Variants in ZFPM2 observed in about 807,000 individuals in gnomAD.
ZFPM2 encodes zinc finger protein ZFPM2.
In ZFPM2, 20 loss-of-function variants were observed where a neutral mutation model predicts 98.6. The ratio of observed to expected loss-of-function variants is 0.20; its 90% CI spans 0.14 to 0.29. ZFPM2 has a LOEUF of 0.29. ZFPM2 is among the 10% of genes least tolerant of loss of function. ZFPM2 has a pLI of 1.00. For synonymous variants in ZFPM2, 518 were observed against 502.7 expected (o/e 1.03, Z -0.41); for missense variants, 1,310 against 1,388.6 (o/e 0.94, Z 0.90).
chr8:105,801,859 G>A lies in ZFPM2; in HGVS notation c.1777G>A (p.Glu593Lys), dbSNP rs373780384. Residue 593 changes from glutamate to lysine, a missense_variant, in exon 8 of 8, where the codon GAA becomes AAA. Physicochemically the swap from Glu to Lys is moderately conservative, Grantham distance 56 (BLOSUM62 1). Transcript: ENST00000407775. ...EFPSVSEKMP[E>K]ALSPNTGQTS... is the part of the protein sequence containing the mutation. Reference sequence around the variant, plus strand: ...CCCTAGTGTGTCAGAAAAGATGCCTGAAGCTTTGAGTCCCAACACTGGCCA... The same window carrying A: ...CCCTAGTGTGTCAGAAAAGATGCCTAAAGCTTTGAGTCCCAACACTGGCCA... The A allele has an allele frequency of 2.5e-6, 4 of 1,613,826 alleles. No individual in the cohort carries two copies. The highest frequency in any genetic ancestry group is 1.3e-5 in the African/African-American group (1 of 74,914).
intron 4 of ZFPM2, among the ~76,000 whole-genome samples, chr8:105,613,562 G>A (rs574750443): frequency 2.0e-5 from 3 of 152,238 alleles, no homozygotes; most frequent in Admixed American, 2.0e-4. Flanking sequence ...AAATACAAAA[G>A]TAGTTCTGGT....
At chr8:105,711,005 G>C (rs1811379897) in intron 5 of ZFPM2, among the ~76,000 whole-genome samples, 1 of 151,766 alleles carries the variant, frequency 6.6e-6, no homozygotes, top group Admixed American at 6.6e-5. Flanking sequence ...TTAATATCTT[G>C]ATGTAATTTT....
chr8:105,714,570 T>A (rs2130984033), intron 5 of ZFPM2, among the ~76,000 whole-genome samples: 1 of 152,120 alleles, frequency 6.6e-6, no homozygotes, highest in Admixed American at 6.6e-5. Context: ...ATACTTAAAA[T>A]TTATCACTTA....
At chr8:105,631,169 A>C (rs1816748020) in intron 4 of ZFPM2, among the ~76,000 whole-genome samples, 1 of 152,198 alleles carries the variant, frequency 6.6e-6, no homozygotes, top group Non-Finnish European at 1.5e-5. Flanking sequence ...CCTAAATAGT[A>C]GTACCCTTAT....
At chr8:105,401,594 G>A (rs1297009944) in intron 1 of ZFPM2, among the ~76,000 whole-genome samples, 1 of 152,010 alleles carries the variant, frequency 6.6e-6, no homozygotes, top group Non-Finnish European at 1.5e-5. Flanking sequence ...TTTGCCTTCA[G>A]GTCATCTTAC....
chr8:105,552,585 A>G (rs891233617), intron 3 of ZFPM2, among the ~76,000 whole-genome samples: 5 of 152,096 alleles, frequency 3.3e-5, no homozygotes, highest in African/African-American at 1.2e-4. Flanking sequence ...ACTTTTCCGA[A>G]CATTTGCAAG....
intron 5 of ZFPM2, among the ~76,000 whole-genome samples, chr8:105,783,210 G>GTTTTTTTTTTTTTT (rs753557703): frequency 2.9e-4 from 26 of 88,934 alleles, no homozygotes; most frequent in Non-Finnish European, 3.9e-4. Context: ...TTTCTTTATG[G>GTTTTTTTTTTTTTT]TTTTTTTTTT....
At chr8:105,606,179 A>G (rs1412421705) in intron 4 of ZFPM2, among the ~76,000 whole-genome samples, 1 of 152,122 alleles carries the variant, frequency 6.6e-6, no homozygotes, top group African/African-American at 2.4e-5. Flanking sequence ...TATGTGTGCA[A>G]AAACAGAGAT....
chr8:105,476,161 C>T (rs1813008501), intron 3 of ZFPM2, among the ~76,000 whole-genome samples: 1 of 152,172 alleles, frequency 6.6e-6, no homozygotes, highest in Admixed American at 6.5e-5. Flanking sequence ...TTCCTCAGAG[C>T]CATTTGATGA....
intron 5 of ZFPM2, among the ~76,000 whole-genome samples, chr8:105,712,803 C>A (rs1440964076): frequency 6.6e-6 from 1 of 152,114 alleles, no homozygotes; most frequent in Non-Finnish European, 1.5e-5. Context: ...TAAGAACATG[C>A]AATATTTCGT....
chr8:105,672,694 A>G (rs548995450), intron 5 of ZFPM2, among the ~76,000 whole-genome samples: 45 of 152,298 alleles, frequency 3.0e-4, no homozygotes, highest in African/African-American at 9.6e-4. Flanking sequence ...TTTCACTAAT[A>G]TTGCTGATAG....
intron 1 of ZFPM2, among the ~76,000 whole-genome samples, chr8:105,376,294 A>G (rs1014410489): frequency 6.6e-6 from 1 of 152,156 alleles, no homozygotes; most frequent in African/African-American, 2.4e-5. Flanking sequence ...TTTCTGGATT[A>G]ATTTCTCCTC....
intron 2 of ZFPM2, among the ~76,000 whole-genome samples, chr8:105,443,686 A>G (rs1170547703): frequency 6.6e-6 from 1 of 152,170 alleles, no homozygotes; most frequent in African/African-American, 2.4e-5. Flanking sequence ...AGCTGTATTT[A>G]TTCAAGCAAA....
chr8:105,747,924 C>G (rs1457803629), intron 5 of ZFPM2, among the ~76,000 whole-genome samples: 2 of 152,034 alleles, frequency 1.3e-5, no homozygotes, highest in African/African-American at 4.8e-5. Flanking sequence ...TAGCAGTTGG[C>G]AAGTTGAAGT....
At chr8:105,471,151 T>G (rs1812896089) in intron 3 of ZFPM2, among the ~76,000 whole-genome samples, 2 of 152,186 alleles carry the variant, frequency 1.3e-5, no homozygotes, top group African/African-American at 4.8e-5. Flanking sequence ...TGTTCTCTTG[T>G]TTGGCTGTTT....
chr8:105,360,101 A>T (rs919448374), intron 1 of ZFPM2, among the ~76,000 whole-genome samples: 8 of 152,202 alleles, frequency 5.3e-5, no homozygotes, highest in African/African-American at 1.9e-4. Context: ...CATACAGGGA[A>T]GTATTTGCAA....
At position 105,748,798 on chromosome 8, in the gene ZFPM2, A is replaced by G. The variant is rs1325427482; in HGVS notation, c.533-39920A>G. Among the ~76,000 whole-genome samples, 3 of 152,196 alleles carry G rather than the reference A, an allele frequency of 2.0e-5. No individual in the cohort carries two copies. In the East Asian group the frequency reaches 5.8e-4, roughly 29 times the overall value. ...ATCACTTTGCACTCAAATGGATATA[A>G]TATGCATTGACAAAGCTGCAGATTT... On this transcript the variant is annotated intron_variant, in intron 5 of 7. Coordinates refer to ENST00000407775, the MANE Select transcript of ZFPM2 (RefSeq NM_012082.4).
intron 5 of ZFPM2, among the ~76,000 whole-genome samples, chr8:105,781,830 C>A (rs1813260990): frequency 6.6e-6 from 1 of 152,250 alleles, no homozygotes; most frequent in Non-Finnish European, 1.5e-5. Flanking sequence ...AACTATGTAA[C>A]CTGCCTAATG....
intron 5 of ZFPM2, among the ~76,000 whole-genome samples, chr8:105,715,083 A>G (rs1811487534): frequency 1.3e-5 from 2 of 152,034 alleles, no homozygotes; most frequent in Admixed American, 6.6e-5. Context: ...CTCAGTTGCA[A>G]CCGTAGATTG....
Sources: allele counts gnomAD v4.1 joint callset (sites outside exome capture counted in the v4.1 genomes callset), GRCh38; gene constraint gnomAD v4.1.1; transcripts MANE v1.5; gene names NCBI Gene and HGNC (gene_info 2026-07-23, HGNC 2026-07-21).